The following HSPA12A variants were observed in gnomAD, a reference collection of about 807,000 sequenced individuals.
The protein encoded by HSPA12A is heat shock 70 kDa protein 12A.
HSPA12A carries 28 observed loss-of-function variants against 69.2 expected under a neutral mutation model. That is an observed-to-expected ratio of 0.40 (90% CI 0.30 to 0.55). The LOEUF (loss-of-function observed/expected upper bound fraction) is 0.55. HSPA12A is among the 20% of genes least tolerant of loss of function. The probability of loss-of-function intolerance (pLI) is 0.38; values close to 1 mark genes in which losing one functional copy is unlikely to be tolerated. For missense variants in HSPA12A, 686 were observed against 900.7 expected (o/e 0.76, Z 3.05); for synonymous variants, 345 against 370.5 (o/e 0.93, Z 0.79).
At chr10:116,719,678 G>C (rs1158226746) in intron 1 of HSPA12A, among the ~76,000 whole-genome samples, 1 of 152,140 alleles carries the variant, frequency 6.6e-6, no homozygotes, top group Non-Finnish European at 1.5e-5. Context: ...GATTAAATAA[G>C]AATAATGCAG....
chr10:116,736,890 A>G (rs1851334322), intron 1 of HSPA12A, among the ~76,000 whole-genome samples: 1 of 152,236 alleles, frequency 6.6e-6, no homozygotes, highest in Non-Finnish European at 1.5e-5. Context: ...TTACAACAGC[A>G]ATAGGAAACA....
chr10:116,680,903 G>A lies in HSPA12A; in HGVS notation c.1027+249C>T, dbSNP rs531493024. 1.6e-3 allele frequency among the ~76,000 whole-genome samples: 249 copies of A among 152,304 alleles called. 1 individual carries two copies. Among genetic ancestry groups the A allele is most frequent in the African/African-American group, 5.6e-3 (234 of 41,562 alleles). On this transcript the variant is annotated intron_variant, in intron 9 of 11. Transcript: ENST00000369209. Reference sequence around the variant, plus strand: ...CCTTTCGGAATTTTCAGAAACCAGCGCCCTTGGCCAGGATCTGAAACAGGC... The same window carrying A: ...CCTTTCGGAATTTTCAGAAACCAGCACCCTTGGCCAGGATCTGAAACAGGC...
Position 116,674,937 on chromosome 10 carries a change from G to T in HSPA12A, c.1872C>A (p.Leu624=). The part of the protein sequence containing the change: ...TDPGVKKCGT[L]RLDLTGTSGT... ...CACTGGTCCCTGTGAGATCCAGGCG[G>T]AGCGTGCCACACTTCTTCACCCCGG... Residue 624 remains leucine (L), a synonymous_variant, in exon 12 of 12, where the codon CTC becomes CTA. Transcript: ENST00000369209. 1 of 1,614,182 alleles carries T rather than the reference G, an allele frequency of 6.2e-7. No homozygotes were observed. Among genetic ancestry groups the T allele is most frequent in the Non-Finnish European group, 8.5e-7 (1 of 1,180,042 alleles).
intron 2 of HSPA12A, among the ~76,000 whole-genome samples, chr10:116,822,235 A>G (rs1213932651): frequency 2.0e-5 from 3 of 152,194 alleles, no homozygotes. Context: ...ACATGCCACT[A>G]TAAGCTTTGG....
intron 2 of HSPA12A, among the ~76,000 whole-genome samples, chr10:116,787,039 G>C (rs988189578): frequency 6.6e-6 from 1 of 151,230 alleles, no homozygotes; most frequent in Non-Finnish European, 1.5e-5. Flanking sequence ...CACACACACG[G>C]TCAGATTCTG....
At chr10:116,744,842 G>A (rs1554887696), upstream of HSPA12A, among the ~76,000 whole-genome samples, 1 of 152,212 alleles carries the variant, frequency 6.6e-6, no homozygotes, top group Non-Finnish European at 1.5e-5. Flanking sequence ...CAAGGCTGGG[G>A]TTCAAGGCTC....
At chr10:116,737,157 G>A (rs1331394400) in intron 1 of HSPA12A, among the ~76,000 whole-genome samples, 1 of 152,108 alleles carries the variant, frequency 6.6e-6, no homozygotes, top group African/African-American at 2.4e-5. Context: ...GGGTCACAGA[G>A]CAGGTCAATG....
chr10:116,849,471 G>T (rs1409027980), intron 1 of HSPA12A: 38 of 1,420,266 alleles, frequency 2.7e-5, no homozygotes, highest in Middle Eastern at 2.5e-4. Flanking sequence ...AGCCACGCGA[G>T]ATCTGGGGGT....
chr10:116,742,531 T>A lies in HSPA12A; in HGVS notation c.-62A>T. On this transcript the variant is annotated 5_prime_UTR_variant, in exon 1 of 12. Coordinates refer to ENST00000369209, the MANE Select transcript of HSPA12A (RefSeq NM_025015.3). The stretch of plus-strand genomic sequence containing the variant: ...CGCAGCGCCCGTGCCCGTGCGGGTC[T>A]CTGTCCGCGTCCGCGGCGGCGCTCG... 1 of 1,194,608 alleles carries A rather than the reference T, an allele frequency of 8.4e-7. No homozygotes were observed. The highest frequency in any genetic ancestry group is 1.0e-6 in the Non-Finnish European group (1 of 963,794). 74.0% of individuals were successfully genotyped at this position (1,194,608 alleles called of 1,614,324 possible).
intron 2 of HSPA12A, among the ~76,000 whole-genome samples, chr10:116,765,786 T>C (rs1554889699): frequency 6.6e-6 from 1 of 152,196 alleles, no homozygotes; most frequent in Non-Finnish European, 1.5e-5. Flanking sequence ...TACAATGAAA[T>C]GCCTCTCAGT....
chr10:116,798,070 A>C (rs1395143942), intron 2 of HSPA12A, among the ~76,000 whole-genome samples: 2 of 135,862 alleles, frequency 1.5e-5, no homozygotes, highest in East Asian at 4.4e-4. Context: ...AGGGGCTGGG[A>C]CCAGATCACG....
chr10:116,772,860 GATTATT>G (rs369040070), intron 2 of HSPA12A, among the ~76,000 whole-genome samples: 14 of 151,200 alleles, frequency 9.3e-5, no homozygotes, highest in African/African-American at 3.2e-4. Context: ...ACATCTGGCT[GATTATT>G]ATTATTATTA....
intron 1 of HSPA12A, among the ~76,000 whole-genome samples, chr10:116,708,679 G>A (rs929169143): frequency 2.0e-5 from 3 of 152,180 alleles, no homozygotes; most frequent in African/African-American, 7.2e-5. Context: ...GGAGGGAGAG[G>A]CACAGTCCAG....
At chr10:116,745,834 C>G (rs1416264023), upstream of HSPA12A, among the ~76,000 whole-genome samples, 1 of 152,154 alleles carries the variant, frequency 6.6e-6, no homozygotes, top group Non-Finnish European at 1.5e-5. Context: ...TAGCACTTAT[C>G]ACAACAACTC....
At chr10:116,741,802 C>T (rs1441337421) in intron 1 of HSPA12A, among the ~76,000 whole-genome samples, 1 of 152,180 alleles carries the variant, frequency 6.6e-6, no homozygotes, top group African/African-American at 2.4e-5. Context: ...AAGGGACCAT[C>T]GAACCCCCGC....
intron 1 of HSPA12A, among the ~76,000 whole-genome samples, chr10:116,835,936 CAGAA>C (rs1301299653): frequency 6.6e-6 from 1 of 151,934 alleles, no homozygotes; most frequent in African/African-American, 2.4e-5. Context: ...TAGTTTGGGG[CAGAA>C]AGAGAGTGAA....
At chr10:116,762,296 G>C (rs1554889359) in intron 2 of HSPA12A, among the ~76,000 whole-genome samples, 1 of 152,202 alleles carries the variant, frequency 6.6e-6, no homozygotes, top group Non-Finnish European at 1.5e-5. Context: ...TCATCTCCCT[G>C]CCTCTGGTCC....
intron 2 of HSPA12A, among the ~76,000 whole-genome samples, chr10:116,803,819 G>A (rs539474392): frequency 2.6e-5 from 4 of 152,074 alleles, no homozygotes; most frequent in Non-Finnish European, 5.9e-5. Context: ...GCGTGACCAC[G>A]GTTCATTCAT....
chr10:116,691,625 G>A (rs1247796145), intron 6 of HSPA12A, among the ~76,000 whole-genome samples: 14 of 152,186 alleles, frequency 9.2e-5, no homozygotes, highest in African/African-American at 3.4e-4. Context: ...AGCCAGCTCT[G>A]TCCTGTCCCT....
Sources: allele counts gnomAD v4.1 joint callset (sites outside exome capture counted in the v4.1 genomes callset), GRCh38; gene constraint gnomAD v4.1.1; transcripts MANE v1.5; gene names NCBI Gene and HGNC (gene_info 2026-07-23, HGNC 2026-07-21).